Variants in ALCAM observed in about 807,000 individuals in gnomAD.
ALCAM encodes CD166 antigen.
Under a neutral mutation model 70.9 loss-of-function variants are expected in ALCAM, and 30 were observed. That is an observed-to-expected ratio of 0.42 (90% CI 0.32 to 0.57). The LOEUF is 0.57. Ranked by LOEUF, ALCAM falls within the 20% of genes least tolerant of loss-of-function variation. The probability of loss-of-function intolerance (pLI) is 0.11; values close to 1 mark genes in which losing one functional copy is unlikely to be tolerated. For synonymous variants in ALCAM, 249 were observed against 242.5 expected, an observed-to-expected ratio of 1.03 and a Z score of -0.25; for missense variants, 591 against 695.1, an observed-to-expected ratio of 0.85 and a Z score of 1.68.
At chr3:105,569,807 T>C (rs751051208) in intron 14 of ALCAM, among the ~76,000 whole-genome samples, 5 of 152,162 alleles carry the variant, frequency 3.3e-5, no homozygotes, top group African/African-American at 4.8e-5. Context: ...GGCAGATGGA[T>C]GGAGAAATGA....
chr3:105,547,834 C>T lies in ALCAM; in HGVS notation c.1374+311C>T, dbSNP rs1940289961. On this transcript the variant is annotated intron_variant, in intron 11 of 15. Transcript: ENST00000306107. ...GGTATTACTTCATGATCATTCATTC[C>T]TAAAATGTGAGTGATTAAAACATTA... Among the ~76,000 whole-genome samples the T allele has an allele frequency of 2.0e-5, 3 of 151,432 alleles. No individual in the cohort carries two copies. In the South Asian group the frequency reaches 6.2e-4, roughly 31 times the overall value.
intron 1 of ALCAM, among the ~76,000 whole-genome samples, chr3:105,399,526 C>T (rs1223132699): frequency 2.0e-5 from 3 of 151,956 alleles, no homozygotes; most frequent in Admixed American, 6.6e-5. Context: ...CATATAAATA[C>T]ACATATTAGG....
chr3:105,520,853 C>G (rs988476078), intron 2 of ALCAM, among the ~76,000 whole-genome samples: 3 of 152,102 alleles, frequency 2.0e-5, no homozygotes, highest in African/African-American at 7.2e-5. Flanking sequence ...TTGTGTGGTA[C>G]AATTTCCCAA....
In ALCAM at chr3:105,423,498, GA is replaced by G. The variant is rs558228767; in HGVS notation, c.73+56031del. ...TTTTTTTAACATCTGTTCTTTCAGG[GA>G]AAAAAAAAAAAAAGAAAACATCATA... On this transcript the variant is annotated intron_variant, in intron 1 of 15. Transcript: ENST00000306107. Among the ~76,000 whole-genome samples, 1,298 of 135,524 alleles carry G rather than the reference GA, an allele frequency of 9.6e-3. 13 individuals carry two copies. The highest frequency in any genetic ancestry group is 0.03 in the African/African-American group (1,093 of 36,974). 88.9% of individuals were successfully genotyped at this position (135,524 alleles called of 152,430 possible). A position where few individuals can be genotyped will look rare whatever the true frequency, so the allele number is the denominator to read the frequency against.
chr3:105,571,743 C>G lies in ALCAM; in HGVS notation c.1665-109C>G. ...ATGGAAATTTTTGCCTAGCGGTTTG[C>G]TGTAAAACATTTGCTTTTCAAAGAC... On this transcript the variant is annotated intron_variant, in intron 14 of 15. Transcript: ENST00000306107. 4 of 818,082 alleles carry G rather than the reference C, an allele frequency of 4.9e-6. No individual in the cohort carries two copies. The African/African-American group carries it at 5.2e-5, about 11-fold the overall frequency. The allele number at this position is 818,082 out of a possible 1,614,324, so 50.7% of individuals were successfully genotyped here.
intron 1 of ALCAM, among the ~76,000 whole-genome samples, chr3:105,459,210 G>T (rs751393485): frequency 6.6e-6 from 1 of 151,990 alleles, no homozygotes; most frequent in Non-Finnish European, 1.5e-5. Context: ...TGGTGCTTCC[G>T]CATGAAATAT....
intron 1 of ALCAM, among the ~76,000 whole-genome samples, chr3:105,380,871 G>A (rs1412731486): frequency 6.6e-6 from 1 of 151,890 alleles, no homozygotes; most frequent in Non-Finnish European, 1.5e-5. Context: ...AGGCCTGTGG[G>A]TTCTTCATCA....
intron 14 of ALCAM, among the ~76,000 whole-genome samples, chr3:105,562,955 G>A (rs553203251): frequency 9.9e-5 from 15 of 152,088 alleles, no homozygotes; most frequent in East Asian, 1.9e-4. Flanking sequence ...ACAGGCATGC[G>A]CCACCACGCC....
rs755597990 is a variant in ALCAM at position 105,541,682 on chromosome 3, T to G, written c.908T>G (p.Val303Gly). 2 of 1,612,270 alleles carry G rather than the reference T, an allele frequency of 1.2e-6. No individual in the cohort carries two copies. Among genetic ancestry groups the G allele is most frequent in the East Asian group, 4.5e-5 (2 of 44,818 alleles). Residue 303 changes from valine (V) to glycine (G), a missense_variant, in exon 8 of 16, where the codon GTG becomes GGG. By Grantham distance (109) the Val-to-Gly change is moderately radical (BLOSUM62 -3). Transcript: ENST00000306107. ...RSSNTYTLTD[V>G]RRNATGDYKC... ...TCAAATACTTACACACTGACGGATG[T>G]GAGGCGCAATGCAACAGGAGACTAC...
intron 1 of ALCAM, among the ~76,000 whole-genome samples, chr3:105,512,376 G>T (rs1939263368): frequency 6.6e-6 from 1 of 151,702 alleles, no homozygotes; most frequent in Non-Finnish European, 1.5e-5. Flanking sequence ...TACGAATGCA[G>T]TACACTCTTC....
At chr3:105,408,945 A>G (rs1028341535) in intron 1 of ALCAM, among the ~76,000 whole-genome samples, 1 of 152,182 alleles carries the variant, frequency 6.6e-6, no homozygotes, top group Admixed American at 6.6e-5. Flanking sequence ...GCATAAGGAA[A>G]AAAGCTCAAC....
chr3:105,458,680 T>G (rs73006105), intron 1 of ALCAM, among the ~76,000 whole-genome samples: 187 of 152,304 alleles, frequency 1.2e-3, no homozygotes, highest in African/African-American at 4.3e-3. Flanking sequence ...TACATTCTGA[T>G]GAGTATGAGA....
intron 14 of ALCAM, among the ~76,000 whole-genome samples, chr3:105,555,778 G>C (rs556207023): frequency 1.3e-5 from 2 of 152,026 alleles, no homozygotes; most frequent in Admixed American, 1.3e-4. Context: ...GAGCAAGAAA[G>C]ACTTGGCAAT....
intron 1 of ALCAM, among the ~76,000 whole-genome samples, chr3:105,402,878 A>G (rs983966535): frequency 6.6e-5 from 10 of 150,582 alleles, no homozygotes; most frequent in African/African-American, 2.2e-4. Context: ...AAACCTGAAT[A>G]CTTAACCAGG....
intron 1 of ALCAM, among the ~76,000 whole-genome samples, chr3:105,443,645 CACATCTTATTA>C (rs1294976991): frequency 6.6e-6 from 1 of 152,054 alleles, no homozygotes; most frequent in African/African-American, 2.4e-5. Flanking sequence ...TACATGTAGG[CACATCTTATTA>C]AACAATGGAC....
At chr3:105,564,438 C>A (rs1292184345) in intron 14 of ALCAM, among the ~76,000 whole-genome samples, 1 of 152,212 alleles carries the variant, frequency 6.6e-6, no homozygotes, top group Middle Eastern at 3.2e-3. Context: ...TACTTATTTA[C>A]TCCTTCCAGC....
chr3:105,440,648 C>T (rs1937150217), intron 1 of ALCAM, among the ~76,000 whole-genome samples: 1 of 152,180 alleles, frequency 6.6e-6, no homozygotes, highest in Non-Finnish European at 1.5e-5. Context: ...CGCCCACATG[C>T]CCTGGGGAAT....
At chr3:105,518,368 A>G (rs1939436570) in intron 1 of ALCAM, among the ~76,000 whole-genome samples, 1 of 152,136 alleles carries the variant, frequency 6.6e-6, no homozygotes, top group South Asian at 2.1e-4. Context: ...AAATTACAAA[A>G]TGGTTTCCTT....
intron 1 of ALCAM, among the ~76,000 whole-genome samples, chr3:105,502,423 C>T (rs1379505556): frequency 6.6e-6 from 1 of 152,168 alleles, no homozygotes; most frequent in Non-Finnish European, 1.5e-5. Context: ...CCATGTTCTT[C>T]AGGGCTTGAG....
Sources: allele counts gnomAD v4.1 joint callset (sites outside exome capture counted in the v4.1 genomes callset), GRCh38; gene constraint gnomAD v4.1.1; transcripts MANE v1.5; gene names NCBI Gene and HGNC (gene_info 2026-07-23, HGNC 2026-07-21).